The following SAV1 variants were observed in gnomAD, a reference collection of about 807,000 sequenced individuals.
SAV1 encodes salvador family WW domain containing protein 1.
In SAV1, 23 loss-of-function variants were observed where a neutral mutation model predicts 47.3. The observed-to-expected ratio is 0.49, with a 90% CI of 0.35 to 0.69. SAV1 has a LOEUF of 0.69. Among genes scored for constraint, SAV1 ranks in the 30% least tolerant of loss-of-function variants. The pLI is 0.01. For missense variants in SAV1, 448 were observed against 457.4 expected (o/e 0.98, Z 0.19); for synonymous variants, 155 against 159.2 (o/e 0.97, Z 0.20).
chr14:50,664,990 T>A, intron 2 of SAV1, 189 bp downstream of exon 2: 1 of 615,264 alleles, frequency 1.6e-6, no homozygotes, highest in Non-Finnish European at 2.5e-6. Flanking sequence ...AAATAAATGG[T>A]CACAAGGACT....
Position 50,634,143 on chromosome 14 carries a change from C to A in SAV1, c.*1040G>T, listed in dbSNP as rs753094112. On this transcript the variant is annotated 3_prime_UTR_variant, in exon 5 of 5. Transcript: ENST00000324679. Reference sequence around the variant, plus strand: ...TGTCAGGAACTCTCCACTGCCTCGTCAGAGCCATGCTAAATGCAGTAACAG... The same window carrying A: ...TGTCAGGAACTCTCCACTGCCTCGTAAGAGCCATGCTAAATGCAGTAACAG... The A allele has an allele frequency of 3.3e-5, 15 of 455,138 alleles. No homozygotes were observed. Among genetic ancestry groups the A allele is most frequent in the South Asian group, 2.3e-4 (15 of 64,410 alleles). The allele number at this position is 455,138 out of a possible 1,614,324, so 28.2% of individuals were successfully genotyped here. A position where few individuals can be genotyped will look rare whatever the true frequency, so the allele number is the denominator to read the frequency against.
rs2039707398 is a variant in SAV1, at chr14:50,644,806, A to G, written c.744T>C (p.Phe248=). ...PGWERVESSE[F]GTYYVDHTNK... ...TTGTGTGATCTACATAATAGGTTCC[A>G]AATTCGGATGACTCAACTCGTTCCC... The change falls in exon 3 of 5, where the codon TTT becomes TTC. Residue 248 remains phenylalanine, a synonymous_variant. Transcript: ENST00000324679. 2 of 1,614,052 alleles carry G rather than the reference A, an allele frequency of 1.2e-6. No individual in the cohort carries two copies. The highest frequency in any genetic ancestry group is 1.7e-6 in the Non-Finnish European group (2 of 1,180,020).
At chr14:50,665,849 G>A (rs2039897709) in intron 1 of SAV1, among the ~76,000 whole-genome samples, 1 of 152,064 alleles carries the variant, frequency 6.6e-6, no homozygotes, top group African/African-American at 2.4e-5. Flanking sequence ...ATGCGTAAAA[G>A]CTCAGCTAGA....
At chr14:50,657,017 ACACT>A (rs1487093693) in intron 2 of SAV1, among the ~76,000 whole-genome samples, 4 of 145,080 alleles carry the variant, frequency 2.8e-5, no homozygotes, top group East Asian at 2.1e-4. Context: ...AGAACACAAA[ACACT>A]CACTTTTTTT....
intron 3 of SAV1, among the ~76,000 whole-genome samples, chr14:50,642,232 G>A (rs2039686126): frequency 1.3e-5 from 2 of 152,196 alleles, no homozygotes; most frequent in South Asian, 4.1e-4. Flanking sequence ...CATGAGGATT[G>A]AAAACTACCT....
At position 50,634,157 on chromosome 14, in the gene SAV1, A is replaced by T. The variant is rs1212514027; in HGVS notation, c.*1026T>A. On this transcript the variant is annotated 3_prime_UTR_variant, in exon 5 of 5. Coordinates refer to ENST00000324679, the MANE Select transcript of SAV1 (RefSeq NM_021818.4). ...CACTGCCTCGTCAGAGCCATGCTAAATGCAGTAACAGCACTGGCTGAAAAT... is the reference window on the plus strand; with the variant it reads ...CACTGCCTCGTCAGAGCCATGCTAATTGCAGTAACAGCACTGGCTGAAAAT... 1 of 455,270 alleles carries T rather than the reference A, an allele frequency of 2.2e-6. No individual in the cohort carries two copies. The highest frequency in any genetic ancestry group is 4.4e-6 in the Non-Finnish European group (1 of 226,412). The allele number at this position is 455,270 out of a possible 1,614,324, so 28.2% of individuals were successfully genotyped here.
At chr14:50,638,335 G>A (rs548478087) in intron 4 of SAV1, among the ~76,000 whole-genome samples, 2 of 152,306 alleles carry the variant, frequency 1.3e-5, no homozygotes, top group African/African-American at 4.8e-5. Context: ...AAAATTGGGT[G>A]TAAAACACTC....
intron 2 of SAV1, among the ~76,000 whole-genome samples, chr14:50,650,722 C>CT (rs1274584746): frequency 6.6e-6 from 1 of 152,162 alleles, no homozygotes; most frequent in Non-Finnish European, 1.5e-5. Flanking sequence ...TGTGAGTGAA[C>CT]TTAGAAGCGG....
intron 2 of SAV1, among the ~76,000 whole-genome samples, chr14:50,651,336 T>A (rs2039768005): frequency 6.6e-6 from 1 of 152,166 alleles, no homozygotes; most frequent in African/African-American, 2.4e-5. Flanking sequence ...AGTGTTGCAA[T>A]GAAATATGTA....
At chr14:50,651,350 A>C (rs147102231) in intron 2 of SAV1, among the ~76,000 whole-genome samples, 1 of 152,338 alleles carries the variant, frequency 6.6e-6, no homozygotes, top group East Asian at 1.9e-4. Flanking sequence ...ATATGTAACA[A>C]AAATTAATAA....
intron 3 of SAV1, among the ~76,000 whole-genome samples, chr14:50,642,373 C>T (rs553340611): frequency 6.6e-6 from 1 of 152,062 alleles, no homozygotes; most frequent in East Asian, 1.9e-4. Flanking sequence ...CCTGTAATCC[C>T]AGCTACTTGG....
In SAV1 at chr14:50,665,242, A is replaced by G. The variant is rs1375986428; in HGVS notation, c.472T>C (p.Tyr158His). ...LGDRAHEDYR[Y>H]YEYNHDLFQR... ...AAGAGATCATGGTTGTATTCATAAT[A>G]TCTGTAGTCTTCATGTGCACGATCT... Residue 158 changes from tyrosine to histidine, a missense_variant, in exon 2 of 5, where the codon TAT becomes CAT. Coordinates refer to ENST00000324679, the MANE Select transcript of SAV1 (RefSeq NM_021818.4). The G allele has an allele frequency of 6.2e-6, 10 of 1,613,456 alleles. No individual in the cohort carries two copies. The highest frequency in any genetic ancestry group is 1.3e-5 in the African/African-American group (1 of 74,856).
In SAV1 at chr14:50,635,093, G is replaced by A. The variant is rs2039623050; in HGVS notation, c.*90C>T. ...TTTTATAATTTCCACAAAGGAAGCA[G>A]CATTTATTAACCAGAGTACTTGTTT... is the stretch of plus-strand genomic sequence containing the variant. On this transcript the variant is annotated 3_prime_UTR_variant, in exon 5 of 5. Coordinates refer to ENST00000324679, the MANE Select transcript of SAV1 (RefSeq NM_021818.4). 1.2e-6 allele frequency: 1 copy of A among 829,754 alleles called. No homozygotes were observed. Among genetic ancestry groups the A allele is most frequent in the Non-Finnish European group, 1.9e-6 (1 of 517,364 alleles). The allele number at this position is 829,754 out of a possible 1,614,324, so 51.4% of individuals were successfully genotyped here. A position where few individuals can be genotyped will look rare whatever the true frequency, so the allele number is the denominator to read the frequency against.
chr14:50,653,762 G>C (rs1020340696), intron 2 of SAV1, among the ~76,000 whole-genome samples: 5 of 151,836 alleles, frequency 3.3e-5, no homozygotes, highest in African/African-American at 1.2e-4. Flanking sequence ...CCAGCTACTC[G>C]GGAGGCTGAG....
At chr14:50,664,853 C>G (rs907168682) in intron 2 of SAV1, 2 of 173,442 alleles carry the variant, frequency 1.2e-5, no homozygotes, top group African/African-American at 4.8e-5. Flanking sequence ...TCCCATTATT[C>G]TACCAAACCT....
intron 3 of SAV1, among the ~76,000 whole-genome samples, chr14:50,642,512 GAA>G (rs2140250190): frequency 6.8e-6 from 1 of 147,042 alleles, no homozygotes; most frequent in Admixed American, 6.8e-5. Flanking sequence ...AAAAAGAAAA[GAA>G]AAACTACCTA....
intron 2 of SAV1, among the ~76,000 whole-genome samples, chr14:50,658,596 T>G (rs1566746677): frequency 6.6e-6 from 1 of 152,166 alleles, no homozygotes; most frequent in African/African-American, 2.4e-5. Context: ...TTCCTGAAAA[T>G]CTAATAACTA....
intron 3 of SAV1, 49 bp downstream of exon 3, chr14:50,644,695 C>T: frequency 1.3e-6 from 2 of 1,553,448 alleles, no homozygotes; most frequent in Non-Finnish European, 1.8e-6. Context: ...CAAAACCTAA[C>T]ATTAGACAAT....
intron 2 of SAV1, among the ~76,000 whole-genome samples, chr14:50,664,022 A>G (rs1343383540): frequency 6.6e-6 from 1 of 152,228 alleles, no homozygotes; most frequent in Non-Finnish European, 1.5e-5. Context: ...GCCAAGCTCA[A>G]GGCCCACTCC....
Sources: allele counts gnomAD v4.1 joint callset (sites outside exome capture counted in the v4.1 genomes callset), GRCh38; gene constraint gnomAD v4.1.1; transcripts MANE v1.5; gene names NCBI Gene and HGNC (gene_info 2026-07-23, HGNC 2026-07-21).